NCOR2: variants seen among roughly 807,000 people sequenced by gnomAD.
NCOR2 encodes the protein CTG repeat protein 26.
In NCOR2, 81 loss-of-function variants were observed where a neutral mutation model predicts 262.9. That is an observed-to-expected ratio of 0.31 (90% CI 0.26 to 0.37). The LOEUF (loss-of-function observed/expected upper bound fraction) is 0.37. NCOR2 is among the 10% of genes least tolerant of loss of function. The pLI is 1.00. For synonymous variants in NCOR2, 1,659 were observed against 1,559.3 expected (o/e 1.06, Z -1.51); for missense variants, 3,385 against 3,621.4 (o/e 0.93, Z 1.68).
At chr12:124,424,357 C>T (rs750632619) in intron 11 of NCOR2, among the ~76,000 whole-genome samples, 2 of 152,242 alleles carry the variant, frequency 1.3e-5, no homozygotes, top group South Asian at 2.1e-4. Context: ...AAGCATTCGA[C>T]GGAGACTTTG....
intron 1 of NCOR2, among the ~76,000 whole-genome samples, chr12:124,515,254 G>A (rs1411399697): frequency 1.3e-5 from 2 of 152,182 alleles, no homozygotes; most frequent in Non-Finnish European, 2.9e-5. Flanking sequence ...TGTAGTCCCA[G>A]CAACTTGGGA....
At chr12:124,383,367 C>A in intron 17 of NCOR2, 3 of 241,982 alleles carry the variant, frequency 1.2e-5, no homozygotes, top group South Asian at 2.7e-4. Flanking sequence ...ACGCACCGTT[C>A]AAGAGGCGCC....
chr12:124,374,367 G>C, intron 19 of NCOR2, 46 bp downstream of exon 21: 2 of 1,595,034 alleles, frequency 1.3e-6, no homozygotes, highest in Non-Finnish European at 1.7e-6. Context: ...TGGGATGCCC[G>C]CCCCGGCCCG....
intron 20 of NCOR2, among the ~76,000 whole-genome samples, chr12:124,365,041 G>A (rs1327842364): frequency 1.4e-5 from 2 of 146,916 alleles, no homozygotes; most frequent in Non-Finnish European, 3.0e-5. Context: ...CCTGGCCTGC[G>A]TTTGCAGGTA....
At chr12:124,388,801 C>A in intron 16 of NCOR2, 22 of 1,298,218 alleles carry the variant, frequency 1.7e-5, no homozygotes, top group Non-Finnish European at 1.9e-5. Flanking sequence ...GTCGGCTCTG[C>A]GAGGCTGCTG....
intron 13 of NCOR2, among the ~76,000 whole-genome samples, chr12:124,415,514 G>T (rs2042811790): frequency 6.6e-6 from 1 of 152,240 alleles, no homozygotes; most frequent in South Asian, 2.1e-4. Context: ...AGGCCTGTGG[G>T]GGGTGGCAGG....
chr12:124,340,241 C>A (rs1328161411), intron 36 of NCOR2, 37 bp from the exon 39 acceptor site: 2 of 1,605,990 alleles, frequency 1.2e-6, no homozygotes, highest in Non-Finnish European at 1.7e-6. Flanking sequence ...GGGGAGGCCT[C>A]TTGCGGCCCA....
chr12:124,532,202 TC>T (rs1049597832), intron 1 of NCOR2, among the ~76,000 whole-genome samples: 6 of 151,756 alleles, frequency 4.0e-5, no homozygotes, highest in African/African-American at 1.2e-4. Flanking sequence ...CTGAGGTCTG[TC>T]CCCCCTTGTC....
chr12:124,506,715 T>C (rs1048646829), intron 1 of NCOR2, among the ~76,000 whole-genome samples: 2 of 152,222 alleles, frequency 1.3e-5, no homozygotes, highest in Non-Finnish European at 2.9e-5. Flanking sequence ...ATCTCCTCCA[T>C]CTGGCCTTCC....
At chr12:124,448,424 C>T (rs1309756068) in intron 7 of NCOR2, among the ~76,000 whole-genome samples, 1 of 152,218 alleles carries the variant, frequency 6.6e-6, no homozygotes, top group Non-Finnish European at 1.5e-5. Context: ...CGATGAGGAG[C>T]CCAGGCTGCA....
intron 1 of NCOR2, among the ~76,000 whole-genome samples, chr12:124,558,305 A>G (rs1238584288): frequency 2.1e-4 from 3 of 14,000 alleles, no homozygotes; most frequent in African/African-American, 8.0e-4. Flanking sequence ...CCCCAGCCCC[A>G]CCACAGAATT....
At chr12:124,392,489 C>G (rs2041378437) in intron 16 of NCOR2, among the ~76,000 whole-genome samples, 1 of 152,170 alleles carries the variant, frequency 6.6e-6, no homozygotes, top group Non-Finnish European at 1.5e-5. Flanking sequence ...TATACCACCC[C>G]TCCTGAGTCA....
At chr12:124,340,369 C>A (rs2036359391) in exon 36 of NCOR2, 1 of 1,613,092 alleles carries the variant, frequency 6.2e-7, no homozygotes, top group African/African-American at 1.3e-5. Context: ...CGATCCCGGT[C>A]CCGCTCTCGA....
intron 1 of NCOR2, among the ~76,000 whole-genome samples, chr12:124,553,342 A>C (rs115258855): frequency 4.4e-4 from 67 of 152,320 alleles, no homozygotes; most frequent in African/African-American, 1.5e-3. Flanking sequence ...TTGCAGCATA[A>C]AATAATATAT....
At chr12:124,325,337 C>A in exon 47 of NCOR2, 2 of 1,087,660 alleles carry the variant, frequency 1.8e-6, no homozygotes, top group Non-Finnish European at 1.2e-6. Context: ...CCGCCCTGCT[C>A]CTGCAGGGCC....
chr12:124,498,938 A>G (rs907847003), upstream of NCOR2, among the ~76,000 whole-genome samples: 1 of 152,246 alleles, frequency 6.6e-6, no homozygotes, highest in East Asian at 1.9e-4. Context: ...GAACAGGCAC[A>G]TCCACGAGGC....
chr12:124,399,967 T>C (rs1174995731), intron 15 of NCOR2, among the ~76,000 whole-genome samples: 2 of 152,110 alleles, frequency 1.3e-5, no homozygotes, highest in African/African-American at 4.8e-5. Context: ...ACCAGATGCC[T>C]ACCAGGGTAG....
At chr12:124,555,867 A>G (rs1382893688) in intron 1 of NCOR2, 2 of 152,232 alleles carry the variant, frequency 1.3e-5, no homozygotes, top group Non-Finnish European at 2.9e-5. Context: ...AAAAATTGGC[A>G]AAGGGAACAC....
intron 1 of NCOR2, among the ~76,000 whole-genome samples, chr12:124,565,721 C>T (rs895142405): frequency 1.3e-5 from 2 of 152,224 alleles, no homozygotes; most frequent in African/African-American, 4.8e-5. Context: ...GCTCTCACAA[C>T]CACTCTGTGA....
Sources: gnomAD v4.1 joint callset for allele counts (sites outside exome capture counted in the v4.1 genomes callset) on GRCh38, gnomAD v4.1.1 for gene constraint, MANE v1.5 for transcripts, NCBI Gene and HGNC (gene_info 2026-07-23, HGNC 2026-07-21) for gene names.